NSUN7: variants seen among roughly 807,000 people sequenced by gnomAD.
NSUN7 encodes NOP2/Sun RNA methyltransferase family member 7.
Under a neutral mutation model 58.5 loss-of-function variants are expected in NSUN7, and 39 were observed. The observed-to-expected ratio is 0.67, with a 90% CI of 0.52 to 0.87. The LOEUF is 0.87. Ranked by LOEUF, NSUN7 falls within the 40% of genes least tolerant of loss-of-function variation. The pLI is 0.00. For synonymous variants in NSUN7, 278 were observed against 303.7 expected, an observed-to-expected ratio of 0.92 and a Z score of 0.88; for missense variants, 765 against 844.1, an observed-to-expected ratio of 0.91 and a Z score of 1.16.
chr4:40,792,215 A>G (rs1020034908), intron 8 of NSUN7, among the ~76,000 whole-genome samples: 3 of 152,346 alleles, frequency 2.0e-5, no homozygotes, highest in Admixed American at 1.3e-4. Flanking sequence ...AATAGCAGCT[A>G]TAATAAGCAT....
At chr4:40,789,990 G>A (rs2437317) in intron 7 of NSUN7, among the ~76,000 whole-genome samples, 119,147 of 151,178 alleles carry the variant, frequency 0.79, 47,231 homozygotes, top group Admixed American at 0.84. Flanking sequence ...TATGATTGAT[G>A]TTTTACACCA....
At chr4:40,779,493 A>G (rs949515681) in intron 7 of NSUN7, among the ~76,000 whole-genome samples, 2 of 152,050 alleles carry the variant, frequency 1.3e-5, no homozygotes, top group Admixed American at 6.6e-5. Context: ...AGTCCCAGCT[A>G]CTCATGAGGC....
intron 7 of NSUN7, among the ~76,000 whole-genome samples, chr4:40,781,551 A>C (rs1742567154): frequency 6.6e-6 from 1 of 151,980 alleles, no homozygotes. Flanking sequence ...GGCCCCATCG[A>C]TACTCCTGCT....
intron 10 of NSUN7, among the ~76,000 whole-genome samples, chr4:40,805,219 A>G (rs1334649708): frequency 6.6e-6 from 1 of 152,196 alleles, no homozygotes; most frequent in Non-Finnish European, 1.5e-5. Context: ...TAAGTCAGAT[A>G]TATCTGGCAT....
intron 4 of NSUN7, among the ~76,000 whole-genome samples, chr4:40,772,861 T>C (rs981860626): frequency 6.6e-6 from 1 of 152,200 alleles, no homozygotes; most frequent in Non-Finnish European, 1.5e-5. Flanking sequence ...TCTCTTCTTA[T>C]TTCTCACTCA....
intron 3 of NSUN7, 49 bp from the exon 4 acceptor site, chr4:40,761,122 G>C (rs772909910): frequency 7.1e-7 from 1 of 1,410,136 alleles, no homozygotes; most frequent in Non-Finnish European, 9.7e-7. Context: ...AATATTGCTG[G>C]TTAGATATTG....
Position 40,811,007 on chromosome 4 carries a change from T to G in NSUN7, c.*2068T>G, listed in dbSNP as rs1744288437. On this transcript the variant is annotated 3_prime_UTR_variant, in exon 12 of 12. Transcript: ENST00000381782. ...TTTTTATTTTCAAGTGTATTTTCTG[T>G]GATGTTGTCTCATTGTTATGGAATA... 2 of 152,218 alleles carry G rather than the reference T, an allele frequency of 1.3e-5. No homozygotes were observed. Among genetic ancestry groups the G allele is most frequent in the South Asian group, 4.1e-4 (2 of 4,830 alleles). The allele number at this position is 152,218 out of a possible 1,614,324, so 9.4% of individuals were successfully genotyped here. A position where few individuals can be genotyped will look rare whatever the true frequency, so the allele number is the denominator to read the frequency against.
rs1744099448 is a variant in NSUN7, at chr4:40,809,902, A to C, written c.*963A>C. ...TGAATGTATTCTCAATTGCCTACCA[A>C]AAATTGGTATGATTATCATTTCTGG... On this transcript the variant is annotated 3_prime_UTR_variant, in exon 12 of 12. Coordinates refer to ENST00000381782, the MANE Select transcript of NSUN7 (RefSeq NM_024677.6). 1 of 152,336 alleles carries C rather than the reference A, an allele frequency of 6.6e-6. No individual in the cohort carries two copies. Among genetic ancestry groups the C allele is most frequent in the Admixed American group, 6.5e-5 (1 of 15,298 alleles). 9.4% of individuals were successfully genotyped at this position (152,336 alleles called of 1,614,324 possible). A position where few individuals can be genotyped will look rare whatever the true frequency, so the allele number is the denominator to read the frequency against.
rs530278520 is a variant in NSUN7, at chr4:40,808,613, C to T, written c.1831C>T (p.Pro611Ser). The T allele has an allele frequency of 6.4e-7, 1 of 1,551,756 alleles. No homozygotes were observed. The highest frequency in any genetic ancestry group is 8.7e-7 in the Non-Finnish European group (1 of 1,147,026). The change falls in exon 12 of 12, where the codon CCC becomes TCC. Residue 611 changes from proline (P) to serine (S), a missense_variant. Physicochemically the swap from Pro to Ser is moderately conservative, Grantham distance 74 (BLOSUM62 -1). Transcript: ENST00000381782. ...GACCAGAAAACCCAACAAGCTGGCC[C>T]CCCATCCTGCAGTGCCTGCATTTGT... ...SQTRKPNKLA[P>S]HPAVPAFVKN...
Position 40,788,784 on chromosome 4 carries a change from T to C in NSUN7, c.1037-1818T>C, listed in dbSNP as rs184515363. On this transcript the variant is annotated intron_variant, in intron 7 of 11. Coordinates refer to ENST00000381782, the MANE Select transcript of NSUN7 (RefSeq NM_024677.6). ...CAGCCTGGTGTGTGTTGTGTGTAGG[T>C]TTGGGGGCAGGGAGGTGCTCTGCTG... Among the ~76,000 whole-genome samples the C allele has an allele frequency of 7.9e-5, 12 of 152,212 alleles. No homozygotes were observed. In the East Asian group the frequency reaches 2.3e-3, roughly 29 times the overall value.
chr4:40,795,012 G>A (rs1210528460), intron 9 of NSUN7, among the ~76,000 whole-genome samples: 2 of 152,202 alleles, frequency 1.3e-5, no homozygotes, highest in Non-Finnish European at 2.9e-5. Context: ...GAGTACCACT[G>A]CCTTTCCACA....
chr4:40,807,185 G>T lies in NSUN7; in HGVS notation c.1524+1G>T. The T allele has an allele frequency of 6.5e-7, 1 of 1,536,546 alleles. No homozygotes were observed. Among genetic ancestry groups the T allele is most frequent in the Non-Finnish European group, 8.7e-7 (1 of 1,143,168 alleles). ...TTTTCTTTCTATTTTAACAAGGGAGGTAAGGAAAAAAAATCCTAATCCATG... is the reference window on the plus strand; with the variant it reads ...TTTTCTTTCTATTTTAACAAGGGAGTTAAGGAAAAAAAATCCTAATCCATG... On this transcript the variant is annotated splice_donor_variant, in intron 11 of 11. Coordinates refer to ENST00000381782, the MANE Select transcript of NSUN7 (RefSeq NM_024677.6). LOFTEE classifies it high-confidence loss of function.
intron 7 of NSUN7, among the ~76,000 whole-genome samples, chr4:40,780,807 ATATATATTTTTTTT>A (rs1742516424): frequency 9.9e-6 from 1 of 100,642 alleles, no homozygotes; most frequent in African/African-American, 3.9e-5. Flanking sequence ...ATATATATAT[ATATATATTTTTTTT>A]TTTTTTTTTT....
Position 40,809,806 on chromosome 4 carries a change from A to G in NSUN7, c.*867A>G, listed in dbSNP as rs1202540968. On this transcript the variant is annotated 3_prime_UTR_variant, in exon 12 of 12. Transcript: ENST00000381782. ...GCACACAGGAATCAAACTTTGGTAA[A>G]TCATTTCTGAGGCACAATTAAATAT... The G allele has an allele frequency of 1.3e-5, 2 of 152,234 alleles. No individual in the cohort carries two copies. The highest frequency in any genetic ancestry group is 2.9e-5 in the Non-Finnish European group (2 of 68,038). The allele number at this position is 152,234 out of a possible 1,614,324, so 9.4% of individuals were successfully genotyped here. A position where few individuals can be genotyped will look rare whatever the true frequency, so the allele number is the denominator to read the frequency against.
chr4:40,770,164 C>T (rs1482020923), intron 4 of NSUN7, among the ~76,000 whole-genome samples: 1 of 142,866 alleles, frequency 7.0e-6, no homozygotes, highest in African/African-American at 2.6e-5. Context: ...GAGCCAAGAT[C>T]ATGCCACTGC....
At chr4:40,780,807 ATATATATTTTTTTTTT>A (rs1742516677) in intron 7 of NSUN7, among the ~76,000 whole-genome samples, 10 of 100,632 alleles carry the variant, frequency 9.9e-5, no homozygotes, top group African/African-American at 3.5e-4. Flanking sequence ...ATATATATAT[ATATATATTTTTTTTTT>A]TTTTTTTTTT....
intron 8 of NSUN7, among the ~76,000 whole-genome samples, chr4:40,791,783 C>G (rs2154288661): frequency 6.6e-6 from 1 of 152,260 alleles, no homozygotes; most frequent in South Asian, 2.1e-4. Context: ...TTATTAAACA[C>G]AATAATGTCC....
At chr4:40,796,763 C>T (rs1269525396) in intron 9 of NSUN7, among the ~76,000 whole-genome samples, 1 of 152,186 alleles carries the variant, frequency 6.6e-6, no homozygotes, top group African/African-American at 2.4e-5. Context: ...CTCCATAACT[C>T]TCTTCATATC....
chr4:40,792,195 A>G (rs974552013), intron 8 of NSUN7, among the ~76,000 whole-genome samples: 6 of 152,188 alleles, frequency 3.9e-5, no homozygotes, highest in African/African-American at 1.4e-4. Context: ...GAAGGAAAAA[A>G]GGGGGAAGAA....
Sources: gnomAD v4.1 joint callset for allele counts (sites outside exome capture counted in the v4.1 genomes callset) on GRCh38, gnomAD v4.1.1 for gene constraint, MANE v1.5 for transcripts, NCBI Gene and HGNC (gene_info 2026-07-23, HGNC 2026-07-21) for gene names.